BORCS5: variants seen among roughly 807,000 people sequenced by gnomAD.
BORCS5 encodes the protein BLOC-1 related complex subunit 5.
A neutral mutation model predicts 22.1 loss-of-function variants in BORCS5; 17 were observed. That is an observed-to-expected ratio of 0.77 (90% CI 0.53 to 1.15). The LOEUF is 1.15. BORCS5 is among the 50% of genes most tolerant of loss of function. The pLI, the probability that BORCS5 is intolerant of heterozygous loss-of-function variation, is 0.00. For missense variants in BORCS5, 247 were observed against 253.2 expected, an observed-to-expected ratio of 0.98 and a Z score of 0.17; for synonymous variants, 117 against 99.8, an observed-to-expected ratio of 1.17 and a Z score of -1.03.
rs1565941992 is a variant in BORCS5, at chr12:12,463,402, GTCT to G, written c.361-2139_361-2137del. 3.3e-5 allele frequency among the ~76,000 whole-genome samples: 5 copies of G among 152,232 alleles called. No individual in the cohort carries two copies. In the South Asian group the frequency reaches 8.3e-4, roughly 25 times the overall value. On this transcript the variant is annotated intron_variant, in intron 3 of 3. Transcript: ENST00000314565. ...AATAACTTTCCCTACATGTGATCTA[GTCT>G]TCTTTAATGCAGTGCCACGTGCCAA...
At chr12:12,399,831 C>T (rs1227498688) in intron 2 of BORCS5, among the ~76,000 whole-genome samples, 1 of 152,184 alleles carries the variant, frequency 6.6e-6, no homozygotes, top group Non-Finnish European at 1.5e-5. Context: ...ACTTCTAAGT[C>T]TCAGCAGCCA....
intron 2 of BORCS5, among the ~76,000 whole-genome samples, chr12:12,383,415 AT>A (rs757329716): frequency 4.0e-5 from 6 of 151,518 alleles, no homozygotes; most frequent in Non-Finnish European, 7.4e-5. Context: ...GTGAATAAAA[AT>A]ATATTTGTAG....
Position 12,467,735 on chromosome 12 carries a change from G to A in BORCS5, c.*1959G>A, listed in dbSNP as rs1592149315. ...CTGTGTTCCCAGAATTCCCTTCCTT[G>A]TTTGTTTCTCTGGTGAGGGTTGGCC... is the stretch of plus-strand genomic sequence containing the variant. On this transcript the variant is annotated 3_prime_UTR_variant, in exon 4 of 4. Coordinates refer to ENST00000314565, the MANE Select transcript of BORCS5 (RefSeq NM_058169.6). 6.6e-6 allele frequency: 1 copy of A among 152,240 alleles called. No individual in the cohort carries two copies. Among genetic ancestry groups the A allele is most frequent in the African/African-American group, 2.4e-5 (1 of 41,444 alleles). The allele number at this position is 152,240 out of a possible 1,614,324, so 9.4% of individuals were successfully genotyped here. A position where few individuals can be genotyped will look rare whatever the true frequency, so the allele number is the denominator to read the frequency against.
rs1249800679 is a variant in BORCS5 at position 12,357,093 on chromosome 12, G to A, written c.-359G>A. The A allele has an allele frequency of 2.6e-6, 4 of 1,534,214 alleles. No individual in the cohort carries two copies. Among genetic ancestry groups the A allele is most frequent in the Admixed American group, 2.0e-5 (1 of 50,790 alleles). ...GGCACCGCCCATCTGCGTCCCGGAA[G>A]GAGCGAGCTTGCGGAGCGTGAACCA... On this transcript the variant is annotated 5_prime_UTR_variant, in exon 1 of 4. Coordinates refer to ENST00000314565, the MANE Select transcript of BORCS5 (RefSeq NM_058169.6).
intron 2 of BORCS5, among the ~76,000 whole-genome samples, chr12:12,390,039 T>G (rs1304367853): frequency 6.6e-6 from 1 of 152,110 alleles, no homozygotes; most frequent in Admixed American, 6.6e-5. Flanking sequence ...CCTCTAAACT[T>G]TGCCCATGCC....
At chr12:12,413,382 A>G (rs1482796170) in intron 2 of BORCS5, among the ~76,000 whole-genome samples, 1 of 142,338 alleles carries the variant, frequency 7.0e-6, no homozygotes. Flanking sequence ...TGTTTCAGAG[A>G]GCACAGGGTT....
At chr12:12,403,550 T>C (rs1297041962) in intron 2 of BORCS5, among the ~76,000 whole-genome samples, 1 of 152,186 alleles carries the variant, frequency 6.6e-6, no homozygotes, top group African/African-American at 2.4e-5. Flanking sequence ...TTACATACTT[T>C]TTTTTCCCGA....
At chr12:12,371,831 C>G (rs959515796) in intron 2 of BORCS5, among the ~76,000 whole-genome samples, 1 of 152,092 alleles carries the variant, frequency 6.6e-6, no homozygotes, top group Non-Finnish European at 1.5e-5. Context: ...TCTGTCCTTA[C>G]TTTGGATAAT....
In BORCS5 at chr12:12,394,009, T is replaced by TC. The variant is rs532297995; in HGVS notation, c.202+32661dup. Among the ~76,000 whole-genome samples the TC allele has an allele frequency of 1.7e-3, 256 of 152,058 alleles. 3 individuals are homozygous for TC. The highest frequency in any genetic ancestry group is 5.5e-3 in the African/African-American group (228 of 41,406). ...TGCTGATAGCAAGTAGCAGCTACTG[T>TC]CAGCTTGGAAACCAAAATAAAATCA... On this transcript the variant is annotated intron_variant, in intron 2 of 3. Transcript: ENST00000314565.
intron 2 of BORCS5, among the ~76,000 whole-genome samples, chr12:12,386,269 G>A (rs551672136): frequency 2.6e-5 from 4 of 151,000 alleles, no homozygotes; most frequent in Non-Finnish European, 4.4e-5. Context: ...CCAAAGTGCT[G>A]GGATTACAGG....
chr12:12,389,047 G>C (rs545719985), intron 2 of BORCS5, among the ~76,000 whole-genome samples: 1 of 150,768 alleles, frequency 6.6e-6, no homozygotes, highest in Non-Finnish European at 1.5e-5. Flanking sequence ...ACAGGTTGTT[G>C]AGGCAAATAC....
At chr12:12,408,787 A>G (rs139049402) in intron 2 of BORCS5, among the ~76,000 whole-genome samples, 2,646 of 152,290 alleles carry the variant, frequency 0.017, 83 homozygotes, top group African/African-American at 0.059. Flanking sequence ...ATTCAGTCTT[A>G]AAAGGGAATT....
intron 2 of BORCS5, among the ~76,000 whole-genome samples, chr12:12,416,779 CT>C (rs36106735): frequency 0.017 from 1,878 of 112,216 alleles, 32 homozygotes; most frequent in African/African-American, 0.053. Context: ...TTAATGTAAA[CT>C]TTTTTTTTTT....
At chr12:12,413,108 C>CTTTTTTTTTTTT (rs140916578) in intron 2 of BORCS5, among the ~76,000 whole-genome samples, 2 of 20,742 alleles carry the variant, frequency 9.6e-5, no homozygotes, top group African/African-American at 4.0e-4. Context: ...GGTGATGACT[C>CTTTTTTTTTTTT]TTTTTTTTTT....
At chr12:12,465,066 G>T (rs925772137) in intron 3 of BORCS5, among the ~76,000 whole-genome samples, 6 of 152,092 alleles carry the variant, frequency 3.9e-5, no homozygotes, top group African/African-American at 1.4e-4. Flanking sequence ...CGACCTTCTG[G>T]ACTCAAGCCA....
intron 2 of BORCS5, among the ~76,000 whole-genome samples, chr12:12,377,353 TA>T (rs1475481225): frequency 6.6e-6 from 1 of 151,940 alleles, no homozygotes; most frequent in Non-Finnish European, 1.5e-5. Flanking sequence ...TAATTTTGTG[TA>T]TTTTTAGTAG....
rs1159096474 is a variant in BORCS5 at position 12,464,312 on chromosome 12, C to T, written c.361-1234C>T. 4.6e-5 allele frequency among the ~76,000 whole-genome samples: 7 copies of T among 152,186 alleles called. No individual in the cohort carries two copies. In the East Asian group the frequency reaches 7.7e-4, roughly 17 times the overall value. ...AGAGGACAGCAACACTGATGTGCTTCGGTCGCCTCCCGCCCCTCCTGCCCT... is the reference window on the plus strand; with the variant it reads ...AGAGGACAGCAACACTGATGTGCTTTGGTCGCCTCCCGCCCCTCCTGCCCT... On this transcript the variant is annotated intron_variant, in intron 3 of 3. Coordinates refer to ENST00000314565, the MANE Select transcript of BORCS5 (RefSeq NM_058169.6).
intron 2 of BORCS5, among the ~76,000 whole-genome samples, chr12:12,397,914 T>G (rs140663333): frequency 6.6e-6 from 1 of 152,228 alleles, no homozygotes; most frequent in African/African-American, 2.4e-5. Context: ...TTTTCCTTAC[T>G]ATCATATAGC....
intron 2 of BORCS5, among the ~76,000 whole-genome samples, chr12:12,434,327 A>G (rs1158709959): frequency 6.7e-6 from 1 of 148,362 alleles, no homozygotes; most frequent in Non-Finnish European, 1.5e-5. Context: ...CCTGCACGTG[A>G]CCTACTGTCA....
Sources: allele counts gnomAD v4.1 joint callset (sites outside exome capture counted in the v4.1 genomes callset), GRCh38; gene constraint gnomAD v4.1.1; transcripts MANE v1.5; gene names NCBI Gene and HGNC (gene_info 2026-07-23, HGNC 2026-07-21).